Variants in EPHA3 observed in about 807,000 individuals in gnomAD.
The protein encoded by EPHA3 is ephrin type-A receptor 3.
In EPHA3, 42 loss-of-function variants were observed where a neutral mutation model predicts 107.1. The observed-to-expected ratio is 0.39, with a 90% confidence interval of 0.31 to 0.51. EPHA3 has a LOEUF of 0.51. Among genes scored for constraint, EPHA3 ranks in the 20% least tolerant of loss-of-function variants. The pLI is 0.78. For missense variants in EPHA3, 1,183 were observed against 1,211.2 expected (o/e 0.98, Z 0.35); for synonymous variants, 461 against 424.8 (o/e 1.09, Z -1.05).
intron 3 of EPHA3, among the ~76,000 whole-genome samples, chr3:89,257,980 T>C (rs1329083070): frequency 6.6e-6 from 1 of 152,168 alleles, no homozygotes; most frequent in East Asian, 1.9e-4. Flanking sequence ...ACAAAGAGAA[T>C]AAACTATCTT....
At chr3:89,216,087 T>C (rs1412189238) in intron 3 of EPHA3, among the ~76,000 whole-genome samples, 1 of 151,986 alleles carries the variant, frequency 6.6e-6, no homozygotes, top group Non-Finnish European at 1.5e-5. Context: ...TTAGGTAATA[T>C]CTATATGCCA....
At chr3:89,436,622 A>G (rs1709675890) in intron 13 of EPHA3, among the ~76,000 whole-genome samples, 1 of 152,250 alleles carries the variant, frequency 6.6e-6, no homozygotes, top group Non-Finnish European at 1.5e-5. Flanking sequence ...GACAGGCAGA[A>G]TAGAGGAATG....
At chr3:89,282,665 A>G (rs73846120) in intron 3 of EPHA3, among the ~76,000 whole-genome samples, 35,910 of 151,918 alleles carry the variant, frequency 0.24, 4,743 homozygotes, top group African/African-American at 0.37. Context: ...AAAGATTTAC[A>G]ATCAATTATA....
intron 5 of EPHA3, among the ~76,000 whole-genome samples, chr3:89,390,966 T>G (rs1365985417): frequency 1.3e-5 from 2 of 151,678 alleles, no homozygotes; most frequent in African/African-American, 2.4e-5. Flanking sequence ...TTTTTTGTAT[T>G]TTTAGTAGAG....
chr3:89,175,599 A>G (rs952844430), intron 2 of EPHA3, among the ~76,000 whole-genome samples: 1 of 152,140 alleles, frequency 6.6e-6, no homozygotes, highest in African/African-American at 2.4e-5. Context: ...TTTCAGCCTT[A>G]TTGGCTTTAT....
At chr3:89,116,386 C>G (rs905094550) in intron 1 of EPHA3, among the ~76,000 whole-genome samples, 3 of 152,078 alleles carry the variant, frequency 2.0e-5, no homozygotes, top group African/African-American at 7.2e-5. Flanking sequence ...ACTTTAGTCT[C>G]TGTGGAAATT....
At chr3:89,258,920 A>G (rs1705349366) in intron 3 of EPHA3, among the ~76,000 whole-genome samples, 1 of 152,156 alleles carries the variant, frequency 6.6e-6, no homozygotes, top group Non-Finnish European at 1.5e-5. Flanking sequence ...ACAAAATCCA[A>G]ACAAGTTTAC....
At chr3:89,179,721 C>G (rs867850527) in intron 2 of EPHA3, among the ~76,000 whole-genome samples, 13 of 151,394 alleles carry the variant, frequency 8.6e-5, no homozygotes, top group South Asian at 4.2e-4. Context: ...CCTTGTCTAG[C>G]TCCTTTTTCG....
chr3:89,340,801 GA>G, intron 3 of EPHA3, 114 bp from the exon 4 acceptor site: 9 of 1,155,726 alleles, frequency 7.8e-6, no homozygotes, highest in Non-Finnish European at 1.0e-5. Flanking sequence ...ATTCTTGGAG[GA>G]AAAAACTTGA....
chr3:89,219,039 A>G lies in EPHA3; in HGVS notation c.814+8519A>G, dbSNP rs148948956. On this transcript the variant is annotated intron_variant, in intron 3 of 16. Coordinates refer to ENST00000336596, the MANE Select transcript of EPHA3 (RefSeq NM_005233.6). ...TAAGGAAAAACATGGTCTGGTAAGCATGAAAGACAAATGTTGTTTAGAGAC... is the reference window on the plus strand; with the variant it reads ...TAAGGAAAAACATGGTCTGGTAAGCGTGAAAGACAAATGTTGTTTAGAGAC... Among the ~76,000 whole-genome samples, 50 of 152,340 alleles carry G rather than the reference A, an allele frequency of 3.3e-4. No homozygotes were observed. In the East Asian group the frequency reaches 9.7e-3, roughly 29 times the overall value.
intron 11 of EPHA3, among the ~76,000 whole-genome samples, chr3:89,427,997 T>C (rs1171774569): frequency 6.6e-6 from 1 of 152,038 alleles, no homozygotes; most frequent in East Asian, 1.9e-4. Flanking sequence ...TGTATAATAT[T>C]ACGCTGTAAC....
chr3:89,121,482 G>T (rs532325859), intron 1 of EPHA3, among the ~76,000 whole-genome samples: 9 of 152,118 alleles, frequency 5.9e-5, no homozygotes, highest in African/African-American at 1.7e-4. Flanking sequence ...ATTTTGGCTG[G>T]GCACGGTGGC....
intron 3 of EPHA3, among the ~76,000 whole-genome samples, chr3:89,259,707 A>C (rs1213255702): frequency 6.6e-6 from 1 of 152,212 alleles, no homozygotes; most frequent in Non-Finnish European, 1.5e-5. Flanking sequence ...CTACTTATTT[A>C]ACAAAAATTT....
chr3:89,181,400 CACAT>C (rs1392986323), intron 2 of EPHA3, among the ~76,000 whole-genome samples: 1 of 151,686 alleles, frequency 6.6e-6, no homozygotes. Flanking sequence ...TATATTTTGT[CACAT>C]AGCTCAGTTT....
intron 3 of EPHA3, among the ~76,000 whole-genome samples, chr3:89,214,697 G>A (rs1054534743): frequency 6.6e-6 from 1 of 151,752 alleles, no homozygotes; most frequent in Non-Finnish European, 1.5e-5. Context: ...CTTCCAAACA[G>A]CAGTCACGCT....
intron 3 of EPHA3, among the ~76,000 whole-genome samples, chr3:89,252,777 G>C (rs1415810883): frequency 6.6e-6 from 1 of 151,528 alleles, no homozygotes; most frequent in Non-Finnish European, 1.5e-5. Flanking sequence ...CTTAAGAGAT[G>C]TCAACATCAG....
intron 3 of EPHA3, among the ~76,000 whole-genome samples, chr3:89,284,440 CTT>C (rs11293555): frequency 4.6e-5 from 7 of 151,104 alleles, no homozygotes; most frequent in Non-Finnish European, 8.9e-5. Context: ...CTACCATCAC[CTT>C]TTTTTTTATC....
At chr3:89,111,725 T>C (rs1341585049) in intron 1 of EPHA3, among the ~76,000 whole-genome samples, 2 of 152,254 alleles carry the variant, frequency 1.3e-5, no homozygotes, top group African/African-American at 2.4e-5. Flanking sequence ...TCTCAAAATC[T>C]ATCACAAAAT....
intron 3 of EPHA3, among the ~76,000 whole-genome samples, chr3:89,218,307 C>T (rs1289026654): frequency 8.5e-6 from 1 of 117,720 alleles, no homozygotes; most frequent in African/African-American, 3.3e-5. Context: ...CACCCCACAA[C>T]AGTCCCTGGT....
Sources: gnomAD v4.1 joint callset for allele counts (sites outside exome capture counted in the v4.1 genomes callset) on GRCh38, gnomAD v4.1.1 for gene constraint, MANE v1.5 for transcripts, NCBI Gene and HGNC (gene_info 2026-07-23, HGNC 2026-07-21) for gene names.